The following SORCS2 variants were observed in gnomAD, a reference collection of about 807,000 sequenced individuals.
SORCS2 encodes the protein sortilin related VPS10 domain containing receptor 2, also known as VPS10 domain-containing receptor SorCS2.
In SORCS2, 100 loss-of-function variants were observed where a neutral mutation model predicts 141.6. That is an observed-to-expected ratio of 0.71 (90% confidence interval 0.60 to 0.83). The LOEUF (loss-of-function observed/expected upper bound fraction) is 0.83. Ranked by LOEUF, SORCS2 falls within the 40% of genes least tolerant of loss-of-function variation. The probability of loss-of-function intolerance (pLI) is 0.00; values close to 1 mark genes in which losing one functional copy is unlikely to be tolerated. For synonymous variants in SORCS2, 789 were observed against 676.9 expected (o/e 1.17, Z -2.57); for missense variants, 1,646 against 1,560.2 (o/e 1.05, Z -0.93).
intron 2 of SORCS2, among the ~76,000 whole-genome samples, chr4:7,424,735 G>A (rs1007012660): frequency 6.6e-6 from 1 of 152,208 alleles, no homozygotes; most frequent in Non-Finnish European, 1.5e-5. Flanking sequence ...TGCGGGCACC[G>A]TGGTGGGTGT....
intron 1 of SORCS2, among the ~76,000 whole-genome samples, chr4:7,330,728 T>G (rs1376454039): frequency 6.6e-6 from 1 of 152,104 alleles, no homozygotes; most frequent in Non-Finnish European, 1.5e-5. Context: ...AGAGGCAGGA[T>G]GTCTACCTTT....
chr4:7,439,950 A>G (rs936759757), intron 2 of SORCS2, among the ~76,000 whole-genome samples: 2 of 152,104 alleles, frequency 1.3e-5, no homozygotes, highest in African/African-American at 4.8e-5. Context: ...ACTTCTCCGA[A>G]GTGACCACAG....
rs149783264 is a variant in SORCS2 at position 7,393,987 on chromosome 4, G to T, written c.481-2301G>T. ...GACTGCCGAGTCAGGGCGTGGTGGG[G>T]CTGCCTTGCTGTCTGGCTTCTCCAG... is the stretch of plus-strand genomic sequence containing the variant. On this transcript the variant is annotated intron_variant, in intron 1 of 26. Transcript: ENST00000507866. 3.0e-3 allele frequency among the ~76,000 whole-genome samples: 455 copies of T among 152,178 alleles called. 3 individuals carry two copies. Among genetic ancestry groups the T allele is most frequent in the African/African-American group, 0.01 (431 of 41,508 alleles).
chr4:7,310,663 G>C (rs769720952), intron 1 of SORCS2: 3 of 153,558 alleles, frequency 2.0e-5, no homozygotes, highest in Non-Finnish European at 2.9e-5. Context: ...ACCCCAGGGC[G>C]GGGGCACAAG....
chr4:7,229,841 T>A (rs1000252999), intron 1 of SORCS2, among the ~76,000 whole-genome samples: 1 of 140,604 alleles, frequency 7.1e-6, no homozygotes, highest in Admixed American at 7.3e-5. Context: ...ATGAAGGAGA[T>A]GAAGATGGTC....
chr4:7,724,297 GGTGACAATGGT>G (rs1726866588), intron 19 of SORCS2, among the ~76,000 whole-genome samples: 1 of 122,030 alleles, frequency 8.2e-6, no homozygotes, highest in African/African-American at 3.1e-5. Context: ...TGGTGATAAT[GGTGACAATGGT>G]GGTGGTGGTG....
intron 2 of SORCS2, among the ~76,000 whole-genome samples, chr4:7,442,864 G>C (rs1253728049): frequency 6.6e-6 from 1 of 151,948 alleles, no homozygotes; most frequent in Non-Finnish European, 1.5e-5. Flanking sequence ...TTGCAGTTCT[G>C]GGGGTCTGAC....
intron 2 of SORCS2, among the ~76,000 whole-genome samples, chr4:7,504,052 C>G (rs1030053176): frequency 1.7e-4 from 26 of 152,288 alleles, no homozygotes; most frequent in African/African-American, 6.3e-4. Flanking sequence ...CCACCCCTGA[C>G]CTCAAACCCT....
At chr4:7,270,462 G>C (rs1715047854) in intron 1 of SORCS2, among the ~76,000 whole-genome samples, 1 of 152,232 alleles carries the variant, frequency 6.6e-6, no homozygotes, top group Non-Finnish European at 1.5e-5. Flanking sequence ...GATCTGGCCT[G>C]GGGTCTGGTT....
intron 1 of SORCS2, among the ~76,000 whole-genome samples, chr4:7,341,703 A>T (rs138896088): frequency 1.8e-4 from 28 of 152,338 alleles, no homozygotes; most frequent in African/African-American, 6.7e-4. Flanking sequence ...CTTTATTGAC[A>T]TGAAATTCAC....
At chr4:7,665,761 A>G (rs930413739) in intron 7 of SORCS2, among the ~76,000 whole-genome samples, 4 of 152,154 alleles carry the variant, frequency 2.6e-5, no homozygotes, top group Non-Finnish European at 5.9e-5. Context: ...GCAGATGTCC[A>G]CTAAGTACCA....
chr4:7,673,594 C>T (rs993921881), intron 8 of SORCS2, among the ~76,000 whole-genome samples: 3 of 152,214 alleles, frequency 2.0e-5, no homozygotes, highest in East Asian at 1.9e-4. Flanking sequence ...AAAGCCCAAA[C>T]GTAAACATTT....
At chr4:7,642,287 A>G (rs1490430160) in intron 4 of SORCS2, among the ~76,000 whole-genome samples, 2 of 152,194 alleles carry the variant, frequency 1.3e-5, no homozygotes, top group Non-Finnish European at 2.9e-5. Flanking sequence ...CTGGGTATTA[A>G]TAGCACTACT....
chr4:7,723,792 C>T lies in SORCS2; in HGVS notation c.2520C>T (p.His840=). The change falls in exon 19 of 27, where the codon CAC becomes CAT. Residue 840 remains histidine, a synonymous_variant. Coordinates refer to ENST00000507866, the MANE Select transcript of SORCS2 (RefSeq NM_020777.3). The part of the protein sequence containing the change: ...NLTLTGEPIR[H]RYESPGIYRV... ...CACTGACCGGGGAGCCCATCCGGCA[C>T]CGCTACGAGAGCCCCGGCATCTACC... is the stretch of plus-strand genomic sequence containing the variant. 6.2e-7 allele frequency: 1 copy of T among 1,613,910 alleles called. No homozygotes were observed.
At chr4:7,194,928 G>T (rs973177717) in intron 1 of SORCS2, among the ~76,000 whole-genome samples, 1 of 152,130 alleles carries the variant, frequency 6.6e-6, no homozygotes, top group Non-Finnish European at 1.5e-5. Flanking sequence ...TCCTGGGGAG[G>T]GGGTAGAGGA....
chr4:7,330,265 A>T (rs1241082062), intron 1 of SORCS2, among the ~76,000 whole-genome samples: 4 of 152,058 alleles, frequency 2.6e-5, no homozygotes, highest in African/African-American at 9.7e-5. Flanking sequence ...TCACATCTGC[A>T]AAAGCCCTTT....
At chr4:7,271,117 G>A (rs958435736) in intron 1 of SORCS2, among the ~76,000 whole-genome samples, 1 of 152,186 alleles carries the variant, frequency 6.6e-6, no homozygotes, top group African/African-American at 2.4e-5. Flanking sequence ...GTGGTACTTG[G>A]ACAACCTCCC....
intron 12 of SORCS2, among the ~76,000 whole-genome samples, chr4:7,698,564 C>G (rs768369768): frequency 3.3e-5 from 5 of 152,230 alleles, no homozygotes; most frequent in Non-Finnish European, 7.3e-5. Context: ...ATTCAATAGA[C>G]AGGGTGAAAT....
intron 1 of SORCS2, among the ~76,000 whole-genome samples, chr4:7,387,908 A>ACACATG (rs1317939997): frequency 6.6e-6 from 1 of 151,476 alleles, no homozygotes; most frequent in African/African-American, 2.4e-5. Flanking sequence ...AGAGATATAC[A>ACACATG]CACATGCACA....
Sources: gnomAD v4.1 joint callset for allele counts (sites outside exome capture counted in the v4.1 genomes callset) on GRCh38, gnomAD v4.1.1 for gene constraint, MANE v1.5 for transcripts, NCBI Gene and HGNC (gene_info 2026-07-23, HGNC 2026-07-21) for gene names.